Variants in MACROD2 observed in about 807,000 individuals in gnomAD.
MACROD2 encodes the protein ADP-ribose glycohydrolase MACROD2.
MACROD2 carries 36 observed loss-of-function variants against 70.4 expected under a neutral mutation model. The observed-to-expected ratio is 0.51, with a 90% CI of 0.39 to 0.68. The LOEUF is 0.68. MACROD2 is among the 30% of genes least tolerant of loss of function. The pLI is 0.00. For missense variants in MACROD2, 496 were observed against 538.4 expected (o/e 0.92, Z 0.78); for synonymous variants, 172 against 178.8 (o/e 0.96, Z 0.30).
intron 10 of MACROD2, among the ~76,000 whole-genome samples, chr20:15,895,777 T>C (rs922468806): frequency 4.6e-5 from 7 of 152,180 alleles, no homozygotes. Flanking sequence ...GCTCAGATGT[T>C]CCCTGTAGAT....
rs184192204 is a variant in MACROD2, at chr20:14,952,930, T to G, written c.418+267971T>G. Among the ~76,000 whole-genome samples the G allele has an allele frequency of 9.2e-5, 14 of 152,196 alleles. No individual in the cohort carries two copies. The East Asian group carries it at 1.9e-3, about 21-fold the overall frequency. On this transcript the variant is annotated intron_variant, in intron 5 of 17. Coordinates refer to ENST00000684519, the MANE Select transcript of MACROD2 (RefSeq NM_001351661.2). ...AGGAAACAGTTCTGTTTTTTAAAGA[T>G]GTGGAGAGAGACAGGGAGCAAGAAA...
chr20:14,195,814 T>C (rs1443404169), intron 3 of MACROD2, among the ~76,000 whole-genome samples: 1 of 152,204 alleles, frequency 6.6e-6, no homozygotes, highest in African/African-American at 2.4e-5. Context: ...CTCCCCCATC[T>C]GCTGAGAGCT....
chr20:15,274,052 T>C (rs1298697115), intron 6 of MACROD2, among the ~76,000 whole-genome samples: 3 of 152,176 alleles, frequency 2.0e-5, no homozygotes, highest in Non-Finnish European at 4.4e-5. Flanking sequence ...TGAGCTAAGA[T>C]AGTTCTAAGA....
chr20:14,364,523 A>C (rs2083254426), intron 3 of MACROD2, among the ~76,000 whole-genome samples: 1 of 152,198 alleles, frequency 6.6e-6, no homozygotes, highest in Non-Finnish European at 1.5e-5. Flanking sequence ...GTGTTATGCA[A>C]CCACCGCCTC....
chr20:15,695,515 A>G (rs2050355855), intron 8 of MACROD2, among the ~76,000 whole-genome samples: 1 of 151,544 alleles, frequency 6.6e-6, no homozygotes, highest in Admixed American at 6.6e-5. Context: ...GGTTCAAGCA[A>G]TTCTCTTGCC....
chr20:15,115,484 A>G (rs2075985480), intron 5 of MACROD2, among the ~76,000 whole-genome samples: 1 of 152,084 alleles, frequency 6.6e-6, no homozygotes, highest in African/African-American at 2.4e-5. Flanking sequence ...TCAGCCTCCC[A>G]AAACACTGTG....
intron 5 of MACROD2, chr20:14,849,912 G>T: frequency 2.0e-6 from 1 of 493,410 alleles, no homozygotes; most frequent in Non-Finnish European, 4.0e-6. Context: ...AGCAAATTTG[G>T]ATGCAAGAAA....
At chr20:14,228,991 C>A (rs372541406) in intron 3 of MACROD2, among the ~76,000 whole-genome samples, 419 of 134,804 alleles carry the variant, frequency 3.1e-3, no homozygotes, top group Non-Finnish European at 3.2e-3. Context: ...GACTCTGTCT[C>A]AAAAAAAAAA....
intron 15 of MACROD2, among the ~76,000 whole-genome samples, chr20:15,992,989 G>T (rs1173505173): frequency 6.6e-6 from 1 of 152,088 alleles, no homozygotes; most frequent in Non-Finnish European, 1.5e-5. Context: ...TTACATATAT[G>T]ATCCTGAAAT....
At chr20:15,802,490 C>T (rs2063734808) in intron 8 of MACROD2, among the ~76,000 whole-genome samples, 1 of 152,084 alleles carries the variant, frequency 6.6e-6, no homozygotes, top group Non-Finnish European at 1.5e-5. Context: ...TGCTGTATCA[C>T]ATTTATTTGT....
chr20:14,241,951 C>G (rs149924125), intron 3 of MACROD2, among the ~76,000 whole-genome samples: 140 of 152,080 alleles, frequency 9.2e-4, no homozygotes, highest in African/African-American at 3.3e-3. Flanking sequence ...TGTCATAAAC[C>G]TTATGATTAA....
At chr20:15,682,157 A>T (rs1015580342) in intron 8 of MACROD2, among the ~76,000 whole-genome samples, 15 of 152,198 alleles carry the variant, frequency 9.9e-5, no homozygotes, top group Admixed American at 7.9e-4. Flanking sequence ...AAAAGAGGGT[A>T]TGATTTATCA....
rs1017425028 is a variant in MACROD2, at chr20:14,386,908, G to A, written c.272-106571G>A. Among the ~76,000 whole-genome samples, 8 of 152,332 alleles carry A rather than the reference G, an allele frequency of 5.3e-5. No homozygotes were observed. The East Asian group carries it at 7.7e-4, about 15-fold the overall frequency. ...AGAAACTGCATAAGGCTATGGCCTT[G>A]GATGACATCACCAGGAGTGTGTGAT... On this transcript the variant is annotated intron_variant, in intron 3 of 17. Coordinates refer to ENST00000684519, the MANE Select transcript of MACROD2 (RefSeq NM_001351661.2).
At chr20:15,608,598 G>A (rs1046865441) in intron 8 of MACROD2, among the ~76,000 whole-genome samples, 7 of 152,176 alleles carry the variant, frequency 4.6e-5, no homozygotes, top group African/African-American at 9.7e-5. Context: ...ATACATTTAA[G>A]TCATTGACTT....
intron 3 of MACROD2, among the ~76,000 whole-genome samples, chr20:14,377,432 C>T (rs2083382768): frequency 6.6e-6 from 1 of 152,152 alleles, no homozygotes; most frequent in Admixed American, 6.5e-5. Flanking sequence ...ACCACCTTGT[C>T]CTGTCACTGT....
At chr20:15,110,544 C>G (rs367932096) in intron 5 of MACROD2, among the ~76,000 whole-genome samples, 12 of 152,136 alleles carry the variant, frequency 7.9e-5, no homozygotes, top group East Asian at 5.8e-4. Flanking sequence ...TGACCAGACT[C>G]CTGTCCTCAA....
chr20:14,756,454 A>T (rs1254762317), intron 5 of MACROD2, among the ~76,000 whole-genome samples: 1 of 152,100 alleles, frequency 6.6e-6, no homozygotes, highest in Non-Finnish European at 1.5e-5. Flanking sequence ...AGTGAGCTTC[A>T]TGACAGTAGG....
chr20:15,361,967 CA>C (rs1413812532), intron 6 of MACROD2, among the ~76,000 whole-genome samples: 1 of 151,576 alleles, frequency 6.6e-6, no homozygotes, highest in Non-Finnish European at 1.5e-5. Context: ...ATTTTCTATA[CA>C]CCATCATCTC....
At chr20:14,727,760 G>A (rs1179047413) in intron 5 of MACROD2, among the ~76,000 whole-genome samples, 1 of 152,126 alleles carries the variant, frequency 6.6e-6, no homozygotes, top group Non-Finnish European at 1.5e-5. Flanking sequence ...TAACACAGGA[G>A]AATCTGATAT....
Sources: allele counts gnomAD v4.1 joint callset (sites outside exome capture counted in the v4.1 genomes callset), GRCh38; gene constraint gnomAD v4.1.1; transcripts MANE v1.5; gene names NCBI Gene and HGNC (gene_info 2026-07-23, HGNC 2026-07-21).